Variants in ZNF385D observed in about 807,000 individuals in gnomAD.
The protein encoded by ZNF385D is zinc finger protein 659.
In ZNF385D, 15 loss-of-function variants were observed where a neutral mutation model predicts 35.8. That is an observed-to-expected ratio of 0.42 (90% CI 0.28 to 0.64). ZNF385D has a LOEUF of 0.64. Among genes scored for constraint, ZNF385D ranks in the 30% least tolerant of loss-of-function variants. The pLI is 0.23. For missense variants in ZNF385D, 474 were observed against 494.6 expected (o/e 0.96, Z 0.39); for synonymous variants, 212 against 186.8 (o/e 1.13, Z -1.10).
Position 21,790,451 on chromosome 3 carries a change from T to C in ZNF385D, c.326-125423A>G, listed in dbSNP as rs1024987868. On this transcript the variant is annotated intron_variant, in intron 3 of 5. Coordinates refer to the ZNF385D transcript ENST00000494108. ...AAGATTTGGGGTGATTGCTGTTTCT[T>C]TGTAATTTTTTTGAAGTTTAAATAT... Among the ~76,000 whole-genome samples the C allele has an allele frequency of 3.3e-5, 5 of 152,300 alleles. No individual in the cohort carries two copies. In the East Asian group the frequency reaches 9.6e-4, roughly 29 times the overall value.
At chr3:21,709,503 A>AACAAAACAAG (rs900789999) in intron 1 of ZNF385D, among the ~76,000 whole-genome samples, 1 of 151,638 alleles carries the variant, frequency 6.6e-6, no homozygotes, top group African/African-American at 2.4e-5. Flanking sequence ...AACAAAACAA[A>AACAAAACAAG]ACAAAACAAG....
Position 22,234,124 on chromosome 3 carries a change from T to G in ZNF385D, c.107-65089A>C, listed in dbSNP as rs184348936. Among the ~76,000 whole-genome samples, 205 of 152,264 alleles carry G rather than the reference T, an allele frequency of 1.3e-3. 1 individual carries two copies. The highest frequency in any genetic ancestry group is 2.5e-3 in the Non-Finnish European group (168 of 67,976). Reference sequence around the variant, plus strand: ...TTCACTATTCACAACAAACCACCACTAGGTAAGTAAATGCATTATTTGGGA... The same window carrying G: ...TTCACTATTCACAACAAACCACCACGAGGTAAGTAAATGCATTATTTGGGA... On this transcript the variant is annotated intron_variant, in intron 2 of 5. Coordinates refer to the ZNF385D transcript ENST00000494108.
intron 2 of ZNF385D, among the ~76,000 whole-genome samples, chr3:22,187,304 A>T (rs1695703046): frequency 6.6e-6 from 1 of 152,108 alleles, no homozygotes; most frequent in African/African-American, 2.4e-5. Flanking sequence ...ACTAATCAAC[A>T]CCATATGTTT....
rs61668943 is a variant in ZNF385D at position 22,180,914 on chromosome 3, CTTTT to C, written c.107-11883_107-11880del. On this transcript the variant is annotated intron_variant, in intron 2 of 5. Coordinates refer to the ZNF385D transcript ENST00000494108. ...AATCCAGTAGCTATATGCTTTTGTT[CTTTT>C]TTTTTTTTTTTTAAGAGACAGCTTT... Among the ~76,000 whole-genome samples the C allele has an allele frequency of 7.0e-3, 787 of 112,972 alleles. 40 individuals are homozygous for C. The highest frequency in any genetic ancestry group is 0.031 in the African/African-American group (736 of 23,804). The allele number at this position is 112,972 out of a possible 152,430, so 74.1% of individuals were successfully genotyped here. A position where few individuals can be genotyped will look rare whatever the true frequency, so the allele number is the denominator to read the frequency against.
intron 2 of ZNF385D, among the ~76,000 whole-genome samples, chr3:22,199,834 T>G (rs969308527): frequency 1.3e-5 from 2 of 152,114 alleles, no homozygotes; most frequent in African/African-American, 4.8e-5. Flanking sequence ...ACGTAAAATT[T>G]ATGAATTACA....
chr3:21,829,734 A>G (rs1244836551), intron 3 of ZNF385D, among the ~76,000 whole-genome samples: 4 of 151,884 alleles, frequency 2.6e-5, no homozygotes, highest in African/African-American at 9.7e-5. Flanking sequence ...GGGAGATGCT[A>G]AATTATTGAA....
chr3:22,349,578 T>C (rs1016953245), intron 2 of ZNF385D, among the ~76,000 whole-genome samples: 2 of 152,322 alleles, frequency 1.3e-5, no homozygotes, highest in African/African-American at 4.8e-5. Flanking sequence ...AAAACATCTT[T>C]TATAAGATTT....
chr3:22,109,455 C>T (rs1478445396), intron 3 of ZNF385D, among the ~76,000 whole-genome samples: 2 of 152,122 alleles, frequency 1.3e-5, no homozygotes, highest in Admixed American at 6.6e-5. Context: ...GACAACATTA[C>T]ATCTTCTTGC....
intron 3 of ZNF385D, among the ~76,000 whole-genome samples, chr3:21,964,030 G>A (rs538889964): frequency 3.3e-5 from 5 of 152,012 alleles, no homozygotes; most frequent in South Asian, 4.2e-4. Flanking sequence ...ATTTAATTGC[G>A]GGCAAAGTAT....
rs1015793927 is a variant in ZNF385D, at chr3:21,662,986, G to A, written c.165+1900C>T. On this transcript the variant is annotated intron_variant, in intron 2 of 7. Transcript: ENST00000281523. ...ATTATATTATTAGTCCCATTATGTG[G>A]ATGAAGACTTGATGACACATGGGAG... Among the ~76,000 whole-genome samples the A allele has an allele frequency of 7.2e-5, 11 of 152,274 alleles. No homozygotes were observed. In the East Asian group the frequency reaches 2.1e-3, roughly 29 times the overall value.
chr3:22,313,327 C>A lies in ZNF385D; in HGVS notation c.106+59123G>T, dbSNP rs867995277. Among the ~76,000 whole-genome samples, 58 of 151,512 alleles carry A rather than the reference C, an allele frequency of 3.8e-4. No homozygotes were observed. The Middle Eastern group carries it at 0.024, about 62-fold the overall frequency. Reference sequence around the variant, plus strand: ...TGACGAGTTAATGGGTGCAGCACACCAACATGGCACATGTATACATATGTA... The same window carrying A: ...TGACGAGTTAATGGGTGCAGCACACAAACATGGCACATGTATACATATGTA... On this transcript the variant is annotated intron_variant, in intron 2 of 5. Coordinates refer to the ZNF385D transcript ENST00000494108.
At chr3:22,231,169 G>A (rs914107039) in intron 2 of ZNF385D, among the ~76,000 whole-genome samples, 7 of 152,110 alleles carry the variant, frequency 4.6e-5, no homozygotes, top group African/African-American at 1.4e-4. Flanking sequence ...GCCAAAAAGT[G>A]CAATTGTTAA....
chr3:22,043,059 T>A (rs570507814), intron 3 of ZNF385D, among the ~76,000 whole-genome samples: 2 of 152,024 alleles, frequency 1.3e-5, no homozygotes, highest in South Asian at 4.2e-4. Context: ...TGTGGCTGAC[T>A]GTGCCACACG....
At chr3:21,496,524 A>T (rs1705893354) in intron 4 of ZNF385D, among the ~76,000 whole-genome samples, 3 of 128,622 alleles carry the variant, frequency 2.3e-5, no homozygotes, top group Admixed American at 9.5e-5. Flanking sequence ...ATACACATAT[A>T]TTTGATATAT....
At chr3:22,123,775 T>C (rs1481454407) in intron 3 of ZNF385D, among the ~76,000 whole-genome samples, 2 of 151,902 alleles carry the variant, frequency 1.3e-5, no homozygotes, top group African/African-American at 4.8e-5. Flanking sequence ...GCAGGGAGAA[T>C]TGCTTGAACC....
At chr3:21,913,206 G>A (rs550210675) in intron 3 of ZNF385D, among the ~76,000 whole-genome samples, 1 of 152,232 alleles carries the variant, frequency 6.6e-6, no homozygotes, top group African/African-American at 2.4e-5. Context: ...GTTCAGTGAG[G>A]AAGGGAAGGT....
At chr3:21,689,246 C>T (rs192129900) in intron 1 of ZNF385D, among the ~76,000 whole-genome samples, 4 of 151,862 alleles carry the variant, frequency 2.6e-5, no homozygotes, top group African/African-American at 9.7e-5. Context: ...ACAATAGAGA[C>T]CAGAGAGAAA....
intron 3 of ZNF385D, among the ~76,000 whole-genome samples, chr3:22,057,947 C>T (rs1292807565): frequency 1.3e-5 from 2 of 152,146 alleles, no homozygotes; most frequent in Non-Finnish European, 2.9e-5. Context: ...GACAAACATG[C>T]CATTTAGGCC....
At chr3:21,825,328 C>T (rs986567127) in intron 3 of ZNF385D, among the ~76,000 whole-genome samples, 3 of 152,192 alleles carry the variant, frequency 2.0e-5, no homozygotes, top group African/African-American at 7.2e-5. Flanking sequence ...ATTACCAGAA[C>T]TATCTGTCAC....
Sources: allele counts gnomAD v4.1 joint callset (sites outside exome capture counted in the v4.1 genomes callset), GRCh38; gene constraint gnomAD v4.1.1; transcripts MANE v1.5; gene names NCBI Gene and HGNC (gene_info 2026-07-23, HGNC 2026-07-21).